PTPRK: variants seen among roughly 807,000 people sequenced by gnomAD.
PTPRK encodes protein tyrosine phosphatase receptor type K.
Under a neutral mutation model 178.0 loss-of-function variants are expected in PTPRK, and 75 were observed. The observed-to-expected ratio is 0.42, with a 90% confidence interval of 0.35 to 0.51. PTPRK has a LOEUF of 0.51. PTPRK is among the 20% of genes least tolerant of loss of function. The pLI is 0.02. For missense variants in PTPRK, 1,441 were observed against 1,797.8 expected (o/e 0.80, Z 3.59); for synonymous variants, 637 against 620.6 (o/e 1.03, Z -0.39).
At chr6:128,052,181 CTTG>C (rs1272684844) in intron 13 of PTPRK, among the ~76,000 whole-genome samples, 2 of 152,168 alleles carry the variant, frequency 1.3e-5, no homozygotes, top group Non-Finnish European at 2.9e-5. Context: ...ACACTACTCC[CTTG>C]TTTTCACTTT....
At chr6:128,469,987 C>G (rs987335946) in intron 1 of PTPRK, among the ~76,000 whole-genome samples, 1 of 152,168 alleles carries the variant, frequency 6.6e-6, no homozygotes, top group South Asian at 2.1e-4. Flanking sequence ...CTCCTGACTT[C>G]TGACCTCCAG....
chr6:128,464,638 CAT>C (rs10665667), intron 1 of PTPRK, among the ~76,000 whole-genome samples: 1,026 of 48,538 alleles, frequency 0.021, 13 homozygotes, highest in Non-Finnish European at 0.024. Flanking sequence ...TATATATACA[CAT>C]ATATATATAT....
At chr6:128,423,948 T>C (rs113226655) in intron 1 of PTPRK, among the ~76,000 whole-genome samples, 19,718 of 151,784 alleles carry the variant, frequency 0.13, 2,086 homozygotes, top group African/African-American at 0.29. Flanking sequence ...TGGCTGGGTG[T>C]GGTGGCTTAC....
chr6:128,296,820 C>T (rs1220766449), intron 3 of PTPRK, among the ~76,000 whole-genome samples: 6 of 152,102 alleles, frequency 3.9e-5, no homozygotes, highest in East Asian at 1.9e-4. Context: ...TATCAACTAA[C>T]GAGCAAAATA....
chr6:127,969,205 A>G lies in PTPRK; in HGVS notation c.*1022T>C, dbSNP rs1336107149. Reference sequence around the variant, plus strand: ...TTCCTTTAAAATTTAAATGATGCTTAAAGGCTATGTTCAACATTGTGCAAG... The same window carrying G: ...TTCCTTTAAAATTTAAATGATGCTTGAAGGCTATGTTCAACATTGTGCAAG... On this transcript the variant is annotated 3_prime_UTR_variant, in exon 30 of 30. Coordinates refer to ENST00000368226, the MANE Select transcript of PTPRK (RefSeq NM_002844.4). The G allele has an allele frequency of 2.0e-5, 3 of 152,222 alleles. No individual in the cohort carries two copies. The highest frequency in any genetic ancestry group is 7.2e-5 in the African/African-American group (3 of 41,462). The allele number at this position is 152,222 out of a possible 1,614,324, so 9.4% of individuals were successfully genotyped here.
chr6:128,371,020 C>T (rs574797166), intron 2 of PTPRK, among the ~76,000 whole-genome samples: 1 of 152,158 alleles, frequency 6.6e-6, no homozygotes, highest in East Asian at 1.9e-4. Flanking sequence ...TTCAAGAGAA[C>T]AATATGAACA....
intron 1 of PTPRK, among the ~76,000 whole-genome samples, chr6:128,446,254 A>AG (rs1847007271): frequency 6.6e-6 from 1 of 152,142 alleles, no homozygotes; most frequent in Non-Finnish European, 1.5e-5. Flanking sequence ...TGCCAGCTGC[A>AG]GGGGGAATTA....
chr6:128,264,839 T>C (rs1322667118), intron 3 of PTPRK, among the ~76,000 whole-genome samples: 1 of 152,126 alleles, frequency 6.6e-6, no homozygotes, highest in Non-Finnish European at 1.5e-5. Flanking sequence ...ACCCATGCTG[T>C]TCTTGTGATA....
chr6:128,456,584 G>A (rs1335528626), intron 1 of PTPRK, among the ~76,000 whole-genome samples: 1 of 151,958 alleles, frequency 6.6e-6, no homozygotes, highest in East Asian at 1.9e-4. Context: ...TGGAAGATAA[G>A]ATAACTATAA....
chr6:128,213,087 T>C (rs1808529139), intron 6 of PTPRK, among the ~76,000 whole-genome samples: 1 of 152,092 alleles, frequency 6.6e-6, no homozygotes, highest in South Asian at 2.1e-4. Context: ...TTTTTTTTAA[T>C]ACTTTTCAGC....
intron 13 of PTPRK, among the ~76,000 whole-genome samples, chr6:128,019,645 C>T (rs7739912): frequency 0.1 from 15,953 of 151,992 alleles, 2,847 homozygotes; most frequent in African/African-American, 0.36. Context: ...TTTGTTGTCC[C>T]TGGCATGTAC....
chr6:128,446,664 C>T (rs1410413612), intron 1 of PTPRK, among the ~76,000 whole-genome samples: 1 of 152,104 alleles, frequency 6.6e-6, no homozygotes, highest in East Asian at 1.9e-4. Context: ...ACTAGCAGCC[C>T]ATTCATCTAA....
In PTPRK at chr6:127,995,392, A is replaced by G. The variant is rs995808794; in HGVS notation, c.2844+70T>C. ...TTTAAAAAGCTAGCAATCACTTTAT[A>G]GGTAATAAGCAAAAAGGTTCATATA... On this transcript the variant is annotated intron_variant, in intron 18 of 29. Coordinates refer to ENST00000368226, the MANE Select transcript of PTPRK (RefSeq NM_002844.4). The G allele has an allele frequency of 1.2e-5, 18 of 1,483,886 alleles. No individual in the cohort carries two copies. In the African/African-American group the frequency reaches 2.0e-4, roughly 16 times the overall value. 91.9% of individuals were successfully genotyped at this position (1,483,886 alleles called of 1,614,324 possible).
intron 4 of PTPRK, 57 bp from the exon 5 acceptor site, chr6:128,240,207 G>T: frequency 1.6e-6 from 2 of 1,262,690 alleles, no homozygotes; most frequent in Non-Finnish European, 2.3e-6. Flanking sequence ...AATATGCCAT[G>T]TTACTTTTCT....
intron 3 of PTPRK, among the ~76,000 whole-genome samples, chr6:128,266,148 A>G (rs1173476466): frequency 6.6e-6 from 1 of 152,126 alleles, no homozygotes; most frequent in Non-Finnish European, 1.5e-5. Flanking sequence ...CTAAGCTAGC[A>G]CACACATTTT....
chr6:128,464,638 C>CATATATATATATATATATATAT (rs10665667), intron 1 of PTPRK, among the ~76,000 whole-genome samples: 10 of 48,600 alleles, frequency 2.1e-4, no homozygotes, highest in East Asian at 8.2e-4. Context: ...TATATATACA[C>CATATATATATATATATATATAT]ATATATATAT....
chr6:128,067,948 GC>G (rs1382867445), intron 11 of PTPRK, among the ~76,000 whole-genome samples, 156 bp from the exon 12 acceptor site: 1 of 151,822 alleles, frequency 6.6e-6, no homozygotes, highest in African/African-American at 2.4e-5. Context: ...CAGCTATTTC[GC>G]AATAAAATGA....
intron 5 of PTPRK, among the ~76,000 whole-genome samples, chr6:128,220,868 C>T (rs1187536711): frequency 6.6e-6 from 1 of 152,106 alleles, no homozygotes; most frequent in Non-Finnish European, 1.5e-5. Context: ...ACTGTTAGTT[C>T]TCCAACAAGA....
intron 13 of PTPRK, among the ~76,000 whole-genome samples, chr6:128,043,756 A>C (rs1777586870): frequency 6.6e-6 from 1 of 151,952 alleles, no homozygotes; most frequent in African/African-American, 2.4e-5. Flanking sequence ...TCATCTCAGT[A>C]ACTAACATTG....
Sources: allele counts gnomAD v4.1 joint callset (sites outside exome capture counted in the v4.1 genomes callset), GRCh38; gene constraint gnomAD v4.1.1; transcripts MANE v1.5; gene names NCBI Gene and HGNC (gene_info 2026-07-23, HGNC 2026-07-21).